RGL1: variants seen among roughly 807,000 people sequenced by gnomAD.
The protein encoded by RGL1 is ral guanine nucleotide dissociation stimulator-like 1.
Under a neutral mutation model 95.2 loss-of-function variants are expected in RGL1, and 24 were observed. The ratio of observed to expected loss-of-function variants is 0.25; its 90% CI spans 0.18 to 0.35. The LOEUF is 0.35. RGL1 is among the 10% of genes least tolerant of loss of function. The probability of loss-of-function intolerance (pLI) is 1.00; values close to 1 mark genes in which losing one functional copy is unlikely to be tolerated. For missense variants in RGL1, 715 were observed against 936.3 expected (o/e 0.76, Z 3.08); for synonymous variants, 329 against 344.9 (o/e 0.95, Z 0.51).
intron 2 of RGL1, among the ~76,000 whole-genome samples, chr1:183,819,637 T>A (rs374280191): frequency 6.6e-6 from 1 of 152,306 alleles, no homozygotes; most frequent in East Asian, 1.9e-4. Context: ...AATTAAGTGT[T>A]CTGATGGCTT....
At chr1:183,674,279 T>C (rs1652672776) in intron 1 of RGL1, among the ~76,000 whole-genome samples, 1 of 152,226 alleles carries the variant, frequency 6.6e-6, no homozygotes, top group Non-Finnish European at 1.5e-5. Flanking sequence ...CTTTCTATTA[T>C]ATATTGATAA....
intron 2 of RGL1, among the ~76,000 whole-genome samples, chr1:183,762,048 A>T (rs529487572): frequency 6.6e-6 from 1 of 152,274 alleles, no homozygotes; most frequent in Admixed American, 6.5e-5. Context: ...GGCTAGTTTG[A>T]TCTTCTGCCA....
chr1:183,772,136 T>C (rs770136688), intron 2 of RGL1, among the ~76,000 whole-genome samples: 19 of 152,214 alleles, frequency 1.2e-4, no homozygotes, highest in Non-Finnish European at 2.1e-4. Context: ...TTTGCACTTA[T>C]TCTCCAAGCC....
intron 1 of RGL1, among the ~76,000 whole-genome samples, chr1:183,722,601 A>G (rs376787319): frequency 4.6e-5 from 7 of 152,234 alleles, no homozygotes; most frequent in African/African-American, 1.2e-4. Context: ...GGCACATTCC[A>G]TACAGGGAAC....
rs1669741225 is a variant in RGL1, at chr1:183,928,435, T to A, written c.*2143T>A. On this transcript the variant is annotated 3_prime_UTR_variant, in exon 18 of 18. Transcript: ENST00000360851. ...CGGGTAATGCTTTTAGCTGCTCGCA[T>A]GCTTGTCTTTCTGCATCTCCATCAT... is the stretch of plus-strand genomic sequence containing the variant. 6.5e-6 allele frequency: 1 copy of A among 152,704 alleles called. No individual in the cohort carries two copies. The highest frequency in any genetic ancestry group is 1.5e-5 in the Non-Finnish European group (1 of 68,052). 9.5% of individuals were successfully genotyped at this position (152,704 alleles called of 1,614,324 possible).
chr1:183,883,870 CAGA>C lies in RGL1; in HGVS notation c.699_701del (p.Glu233del). On this transcript the variant is annotated inframe_deletion, in exon 6 of 18. Coordinates refer to ENST00000360851, the MANE Select transcript of RGL1 (RefSeq NM_001297671.3). ...GAGTCAGCAGAATTCACGTGCTTCT[CAGA>C]AGATCTCGTGGCAGAGCAGCTGACC... The C allele has an allele frequency of 2.5e-6, 4 of 1,614,100 alleles. No homozygotes were observed. Among genetic ancestry groups the C allele is most frequent in the Non-Finnish European group, 3.4e-6 (4 of 1,179,920 alleles).
chr1:183,768,600 C>T (rs993471506), intron 2 of RGL1, among the ~76,000 whole-genome samples: 23 of 150,628 alleles, frequency 1.5e-4, no homozygotes, highest in African/African-American at 5.4e-4. Flanking sequence ...TCCCGAGTAG[C>T]TGGGACTACA....
rs564590780 is a variant in RGL1, at chr1:183,690,723, G to C, written c.-32-51403G>C. On this transcript the variant is annotated intron_variant, in intron 1 of 18. Coordinates refer to the RGL1 transcript ENST00000304685. ...AAAATTGTTAGTGCTAGAAAGATGA[G>C]GTACTTATAAAAAAAAAAAAGAATG... is the stretch of plus-strand genomic sequence containing the variant. 3.4e-3 allele frequency among the ~76,000 whole-genome samples: 418 copies of C among 124,352 alleles called. 5 individuals carry two copies. The highest frequency in any genetic ancestry group is 0.02 in the South Asian group (68 of 3,480). 81.6% of individuals were successfully genotyped at this position (124,352 alleles called of 152,430 possible). A position where few individuals can be genotyped will look rare whatever the true frequency, so the allele number is the denominator to read the frequency against.
At chr1:183,797,389 C>G (rs548822905) in intron 2 of RGL1, among the ~76,000 whole-genome samples, 1 of 152,262 alleles carries the variant, frequency 6.6e-6, no homozygotes, top group South Asian at 2.1e-4. Flanking sequence ...GCCATCATGG[C>G]CGGAGGAGCT....
intron 1 of RGL1, among the ~76,000 whole-genome samples, chr1:183,693,080 G>C (rs1475066077): frequency 6.6e-6 from 1 of 151,766 alleles, no homozygotes; most frequent in Non-Finnish European, 1.5e-5. Context: ...CCAGCCTACT[G>C]AGTAGCTGGG....
chr1:183,825,691 G>A (rs1662798737), intron 2 of RGL1, among the ~76,000 whole-genome samples: 1 of 152,184 alleles, frequency 6.6e-6, no homozygotes, highest in Non-Finnish European at 1.5e-5. Flanking sequence ...AAAGTTGGTT[G>A]TTTATATAAA....
rs1295610052 is a variant in RGL1 at position 183,927,925 on chromosome 1, T to G, written c.*1633T>G. The G allele has an allele frequency of 6.6e-6, 1 of 152,586 alleles. No homozygotes were observed. Among genetic ancestry groups the G allele is most frequent in the Non-Finnish European group, 1.5e-5 (1 of 68,018 alleles). 9.5% of individuals were successfully genotyped at this position (152,586 alleles called of 1,614,324 possible). A position where few individuals can be genotyped will look rare whatever the true frequency, so the allele number is the denominator to read the frequency against. Reference sequence around the variant, plus strand: ...AAGCACCAGGGAAAGTTTAGAGATTTGCGGCAATGGACCGAAGAACGGGCC... The same window carrying G: ...AAGCACCAGGGAAAGTTTAGAGATTGGCGGCAATGGACCGAAGAACGGGCC... On this transcript the variant is annotated 3_prime_UTR_variant, in exon 18 of 18. Transcript: ENST00000360851.
At chr1:183,767,880 G>A (rs1659063860) in intron 2 of RGL1, among the ~76,000 whole-genome samples, 1 of 152,036 alleles carries the variant, frequency 6.6e-6, no homozygotes, top group Non-Finnish European at 1.5e-5. Flanking sequence ...TTGAACCCAG[G>A]AGGCAGAAGT....
At chr1:183,836,142 A>G (rs1212455919) in intron 2 of RGL1, among the ~76,000 whole-genome samples, 1 of 152,208 alleles carries the variant, frequency 6.6e-6, no homozygotes, top group East Asian at 1.9e-4. Flanking sequence ...AGTAAATACA[A>G]GTTAGCCTTC....
chr1:183,713,382 C>CT lies in RGL1; in HGVS notation c.-32-28744_-32-28743insT, dbSNP rs1553273628. Among the ~76,000 whole-genome samples the CT allele has an allele frequency of 2.9e-4, 39 of 134,922 alleles. 8 individuals carry two copies. Among genetic ancestry groups the CT allele is most frequent in the Non-Finnish European group, 1.6e-4 (10 of 63,406 alleles). 88.5% of individuals were successfully genotyped at this position (134,922 alleles called of 152,430 possible). A position where few individuals can be genotyped will look rare whatever the true frequency, so the allele number is the denominator to read the frequency against. On this transcript the variant is annotated intron_variant, in intron 1 of 18. Coordinates refer to the RGL1 transcript ENST00000304685. ...GAAAAAAAAATCTAGAGGCACCCCC[C>CT]CCCCCCGCTTTTATAATGACCCTTT...
chr1:183,658,551 C>G (rs1201938223), intron 1 of RGL1, among the ~76,000 whole-genome samples: 1 of 152,136 alleles, frequency 6.6e-6, no homozygotes. Context: ...AACAAAGCAG[C>G]CTGGAAGCTG....
intron 3 of RGL1, among the ~76,000 whole-genome samples, chr1:183,857,951 C>T (rs761001285): frequency 6.6e-6 from 1 of 152,158 alleles, no homozygotes; most frequent in East Asian, 1.9e-4. Context: ...CATAGCCAGG[C>T]TAGCTTTCTT....
At chr1:183,753,443 G>A (rs1391249957) in intron 2 of RGL1, among the ~76,000 whole-genome samples, 1 of 152,144 alleles carries the variant, frequency 6.6e-6, no homozygotes, top group African/African-American at 2.4e-5. Context: ...ACAGTTTTGT[G>A]GATGTTGAAA....
intron 3 of RGL1, among the ~76,000 whole-genome samples, chr1:183,860,910 A>G (rs899034948): frequency 6.6e-5 from 10 of 151,344 alleles, no homozygotes; most frequent in Non-Finnish European, 1.2e-4. Flanking sequence ...AGAATGAATG[A>G]TGGAATAAAT....
Sources: gnomAD v4.1 joint callset for allele counts (sites outside exome capture counted in the v4.1 genomes callset) on GRCh38, gnomAD v4.1.1 for gene constraint, MANE v1.5 for transcripts, NCBI Gene and HGNC (gene_info 2026-07-23, HGNC 2026-07-21) for gene names.